Variants in PGAP4 observed in about 807,000 individuals in gnomAD.
The protein encoded by PGAP4 is post-GPI attachment to proteins GalNAc transferase 4.
Under a neutral mutation model 28.2 loss-of-function variants are expected in PGAP4, and 12 were observed. That is an observed-to-expected ratio of 0.42 (90% confidence interval 0.27 to 0.69). PGAP4 has a LOEUF of 0.69. Among genes scored for constraint, PGAP4 ranks in the 30% least tolerant of loss-of-function variants. The pLI, the probability that PGAP4 is intolerant of heterozygous loss-of-function variation, is 0.22. For synonymous variants in PGAP4, 205 were observed against 211.8 expected, an observed-to-expected ratio of 0.97 and a Z score of 0.28; for missense variants, 425 against 513.5, an observed-to-expected ratio of 0.83 and a Z score of 1.67.
chr9:101,516,715 T>A (rs1026869312), intron 2 of PGAP4, among the ~76,000 whole-genome samples: 5 of 152,220 alleles, frequency 3.3e-5, no homozygotes, highest in African/African-American at 1.2e-4. Flanking sequence ...CATTTTCAAA[T>A]CTTATAATTA....
chr9:101,517,610 CAT>C lies in PGAP4; in HGVS notation c.-165+13736_-165+13737del, dbSNP rs1332238983. The stretch of plus-strand genomic sequence containing the variant: ...AAAATAAAAGCAAAGGAATGACAAA[CAT>C]GTGATTCAAGATGATGGTTGTTGGG... On this transcript the variant is annotated intron_variant, in intron 2 of 3. Transcript: ENST00000374851. Among the ~76,000 whole-genome samples the C allele has an allele frequency of 3.3e-5, 5 of 152,002 alleles. 1 individual carries two copies. The highest frequency in any genetic ancestry group is 3.9e-4 in the East Asian group (2 of 5,182).
In PGAP4 at chr9:101,515,612, A is replaced by G. The variant is rs567619731; in HGVS notation, c.-165+15736T>C. Reference sequence around the variant, plus strand: ...AGCTATATTAATAATTAATCAGAAAACTGGGAATTGTTCCATGCCCTTCAG... The same window carrying G: ...AGCTATATTAATAATTAATCAGAAAGCTGGGAATTGTTCCATGCCCTTCAG... On this transcript the variant is annotated intron_variant, in intron 2 of 3. Coordinates refer to the PGAP4 transcript ENST00000374851. Among the ~76,000 whole-genome samples the G allele has an allele frequency of 2.6e-5, 4 of 152,276 alleles. No individual in the cohort carries two copies. The East Asian group carries it at 7.7e-4, about 29-fold the overall frequency.
At chr9:101,520,722 C>G (rs1826982470) in intron 2 of PGAP4, among the ~76,000 whole-genome samples, 1 of 152,122 alleles carries the variant, frequency 6.6e-6, no homozygotes, top group African/African-American at 2.4e-5. Context: ...TTTCTCGTGT[C>G]TGATTTCTCT....
intron 2 of PGAP4, among the ~76,000 whole-genome samples, chr9:101,500,477 C>CCCTGCAG (rs1225002959): frequency 6.6e-6 from 1 of 151,986 alleles, no homozygotes; most frequent in East Asian, 1.9e-4. Context: ...GCCGGATAAT[C>CCCTGCAG]CAGATAATCG....
At position 101,479,601 on chromosome 9, in the gene PGAP4, G is replaced by A. The variant is rs114127827; in HGVS notation, c.-77-2432C>T. 8.2e-4 allele frequency among the ~76,000 whole-genome samples: 125 copies of A among 152,288 alleles called. 3 individuals are homozygous for A. The highest frequency in any genetic ancestry group is 7.0e-3 in the Admixed American group (107 of 15,294). ...ACATAGTCCTTTACTTTAAAACTAC[G>A]TCTGTGAGACTGCTGTTCTACTGAC... On this transcript the variant is annotated intron_variant, in intron 1 of 1. Transcript: ENST00000374848.
At chr9:101,530,957 A>G (rs932492785) in intron 2 of PGAP4, among the ~76,000 whole-genome samples, 2 of 152,222 alleles carry the variant, frequency 1.3e-5, no homozygotes, top group Admixed American at 1.3e-4. Flanking sequence ...AAAGCAGATT[A>G]CCCTCCAAAA....
chr9:101,481,110 C>G (rs564272086), intron 1 of PGAP4, among the ~76,000 whole-genome samples: 23 of 152,094 alleles, frequency 1.5e-4, no homozygotes, highest in Non-Finnish European at 3.1e-4. Context: ...CCCAGCAGGT[C>G]GAGGCCGCAG....
rs1254430952 is a variant in PGAP4, at chr9:101,486,640, G to A, written c.-78+309C>T. On this transcript the variant is annotated intron_variant, in intron 1 of 1. Transcript: ENST00000374848. This position sits in a 1 kb window ranked among gnomAD's most constrained non-coding sequence, Gnocchi z 4.7. ...GCAGCTGGCGCAGGCAAGGGCCAGG[G>A]AGGCGCCCCCGAGACACTCAACCAT... Among the ~76,000 whole-genome samples, 1 of 147,136 alleles carries A rather than the reference G, an allele frequency of 6.8e-6. No individual in the cohort carries two copies.
chr9:101,533,435 G>T (rs1297768757), exon 1 of PGAP4: 5 of 152,238 alleles, frequency 3.3e-5, no homozygotes, highest in Admixed American at 3.3e-4. Flanking sequence ...ATTTCAGCAC[G>T]TAGGGGTACC....
At chr9:101,497,981 G>A (rs940993000) in intron 2 of PGAP4, among the ~76,000 whole-genome samples, 1 of 151,850 alleles carries the variant, frequency 6.6e-6, no homozygotes, top group African/African-American at 2.4e-5. Flanking sequence ...GTAAAAGATA[G>A]TTGGATCCAA....
At chr9:101,516,503 G>A (rs543092351) in intron 2 of PGAP4, among the ~76,000 whole-genome samples, 4 of 152,236 alleles carry the variant, frequency 2.6e-5, no homozygotes, top group South Asian at 2.1e-4. Context: ...CTTGCCAAAT[G>A]ATTGGAATTG....
chr9:101,489,600 G>A (rs771099924), upstream of PGAP4, among the ~76,000 whole-genome samples: 1 of 152,212 alleles, frequency 6.6e-6, no homozygotes, highest in Non-Finnish European at 1.5e-5. Flanking sequence ...TGACCCATCA[G>A]GGAAAGAGCC....
intron 2 of PGAP4, among the ~76,000 whole-genome samples, chr9:101,507,838 G>A (rs2118602710): frequency 6.6e-6 from 1 of 152,194 alleles, no homozygotes; most frequent in South Asian, 2.1e-4. Context: ...TGTAGCTTCT[G>A]GAAATCTGAT....
chr9:101,508,472 A>C (rs1826868362), intron 2 of PGAP4, among the ~76,000 whole-genome samples: 1 of 152,124 alleles, frequency 6.6e-6, no homozygotes. Context: ...TATCATAACA[A>C]AGAGGCTCCT....
At chr9:101,522,517 G>A (rs1289528566) in intron 2 of PGAP4, among the ~76,000 whole-genome samples, 1 of 152,042 alleles carries the variant, frequency 6.6e-6, no homozygotes, top group African/African-American at 2.4e-5. Flanking sequence ...TGTTTTGTCT[G>A]ATATAAGAAT....
Position 101,486,557 on chromosome 9 carries a change from G to T in PGAP4, c.-78+392C>A, listed in dbSNP as rs1279791791. Among the ~76,000 whole-genome samples, 2 of 152,148 alleles carry T rather than the reference G, an allele frequency of 1.3e-5. No individual in the cohort carries two copies. Among genetic ancestry groups the T allele is most frequent in the South Asian group, 2.1e-4 (1 of 4,838 alleles). ...GCGCTTCGGCCCTGCTAGGCTCGGC[G>T]AGGGTCTTACCCAGACTGGCACGCG... On this transcript the variant is annotated intron_variant, in intron 1 of 1. Coordinates refer to ENST00000374848, the MANE Select transcript of PGAP4 (RefSeq NM_032342.3). This position sits in a 1 kb window ranked among gnomAD's most constrained non-coding sequence, Gnocchi z 4.7.
chr9:101,489,927 G>A (rs1826671450), upstream of PGAP4, among the ~76,000 whole-genome samples: 1 of 152,176 alleles, frequency 6.6e-6, no homozygotes, highest in Non-Finnish European at 1.5e-5. Flanking sequence ...ACATATACCT[G>A]AGACATAAAA....
rs536059886 is a variant in PGAP4 at position 101,493,883 on chromosome 9, T to A, written c.-164-4683A>T. Among the ~76,000 whole-genome samples the A allele has an allele frequency of 3.3e-5, 5 of 151,942 alleles. No homozygotes were observed. In the South Asian group the frequency reaches 1.0e-3, roughly 32 times the overall value. On this transcript the variant is annotated intron_variant, in intron 2 of 3. Transcript: ENST00000374851. The stretch of plus-strand genomic sequence containing the variant: ...AGTTGTAGCCAAATATTGGGGGAGA[T>A]TAGGAGAATGTAGGATCTAGTTCGG...
intron 2 of PGAP4, among the ~76,000 whole-genome samples, chr9:101,510,346 G>C (rs775646480): frequency 1.3e-5 from 2 of 152,064 alleles, no homozygotes; most frequent in Non-Finnish European, 2.9e-5. Context: ...TGATGAAGCG[G>C]TGTCCTTCAA....
Sources: allele counts gnomAD v4.1 joint callset (sites outside exome capture counted in the v4.1 genomes callset), GRCh38; gene constraint gnomAD v4.1.1; non-coding constraint Gnocchi (gnomAD v3.1); transcripts MANE v1.5; gene names NCBI Gene and HGNC (gene_info 2026-07-23, HGNC 2026-07-21).